TBC1D32: variants seen among roughly 807,000 people sequenced by gnomAD.
TBC1D32 encodes the protein protein broad-minded.
A neutral mutation model predicts 170.3 loss-of-function variants in TBC1D32; 151 were observed. The ratio of observed to expected loss-of-function variants is 0.89; its 90% CI spans 0.78 to 1.01. The LOEUF (loss-of-function observed/expected upper bound fraction) is 1.01. Ranked by LOEUF, TBC1D32 falls within the 50% of genes least tolerant of loss-of-function variation. The pLI is 0.00. For synonymous variants in TBC1D32, 498 were observed against 488.0 expected (o/e 1.02, Z -0.27); for missense variants, 1,464 against 1,457.1 (o/e 1.00, Z -0.08).
chr6:121,161,931 C>T lies in TBC1D32; in HGVS notation c.2571-875G>A, dbSNP rs899345140. ...TTTTCATTTGCATTTCTCTAATGAT[C>T]AGTGATGTTAAACTTTTTTTCATAT... On this transcript the variant is annotated intron_variant, in intron 22 of 31. Transcript: ENST00000398212. 3.3e-5 allele frequency among the ~76,000 whole-genome samples: 5 copies of T among 152,166 alleles called. No individual in the cohort carries two copies. In the East Asian group the frequency reaches 7.7e-4, roughly 23 times the overall value.
intron 29 of TBC1D32, among the ~76,000 whole-genome samples, chr6:121,111,974 T>C (rs534926748): frequency 1.6e-4 from 25 of 152,268 alleles, no homozygotes; most frequent in African/African-American, 5.8e-4. Flanking sequence ...ACATTATAAA[T>C]TGATTGAAGG....
intron 17 of TBC1D32, among the ~76,000 whole-genome samples, chr6:121,245,343 C>A (rs1797460155): frequency 6.6e-6 from 1 of 152,076 alleles, no homozygotes; most frequent in Admixed American, 6.6e-5. Flanking sequence ...GTGGCTAGAC[C>A]CAGAAGAGCA....
intron 20 of TBC1D32, among the ~76,000 whole-genome samples, chr6:121,234,992 C>CATCCAGCA (rs143260805): frequency 0.023 from 3,574 of 152,224 alleles, 158 homozygotes; most frequent in East Asian, 0.12. Flanking sequence ...TGGGTCTAGC[C>CATCCAGCA]ATCCAGCAGA....
At chr6:121,081,638 TAAG>T (rs1005344774) in intron 31 of TBC1D32, among the ~76,000 whole-genome samples, 21 of 151,932 alleles carry the variant, frequency 1.4e-4, no homozygotes, top group East Asian at 1.9e-4. Flanking sequence ...AGAATTACTA[TAAG>T]AAGAAGAAAA....
intron 12 of TBC1D32, among the ~76,000 whole-genome samples, chr6:121,290,851 G>C (rs1053907081): frequency 2.6e-5 from 4 of 152,024 alleles, no homozygotes; most frequent in Non-Finnish European, 5.9e-5. Context: ...TCTTTTGTAG[G>C]GACACAGATG....
At position 121,324,940 on chromosome 6, in the gene TBC1D32, C is replaced by G. The variant is rs528115684; in HGVS notation, c.156-3146G>C. Among the ~76,000 whole-genome samples, 18 of 152,192 alleles carry G rather than the reference C, an allele frequency of 1.2e-4. 1 individual carries two copies. The South Asian group carries it at 3.7e-3, about 32-fold the overall frequency. On this transcript the variant is annotated intron_variant, in intron 1 of 31. Transcript: ENST00000398212. ...AAAAAGCTCTTTGGGCTGGGCACAG[C>G]GGCTCACGCCTGTAATCCCAGTACT...
chr6:121,160,084 C>A lies in TBC1D32; in HGVS notation c.2699G>T (p.Trp900Leu). The A allele has an allele frequency of 6.2e-7, 1 of 1,603,296 alleles. No individual in the cohort carries two copies. The highest frequency in any genetic ancestry group is 8.5e-7 in the Non-Finnish European group (1 of 1,171,978). ...LLEKSDNPYP[W>L]PMFSSYPLPN... Reference sequence around the variant, plus strand: ...CAATGGATATGATGAAAACATTGGCCAAGGATATGGATTATCACTCTAAAA... The same window carrying A: ...CAATGGATATGATGAAAACATTGGCAAAGGATATGGATTATCACTCTAAAA... The change falls in exon 24 of 32, where the codon TGG becomes TTG. Residue 900 changes from tryptophan (W) to leucine (L), a missense_variant. This residue lies in a region of TBC1D32 where 1,363 missense variants were observed against 1,338.1 expected (regional missense o/e 1.02). Coordinates refer to ENST00000398212, the MANE Select transcript of TBC1D32 (RefSeq NM_152730.6).
chr6:121,123,925 G>C (rs193297398), intron 26 of TBC1D32, among the ~76,000 whole-genome samples: 1 of 149,666 alleles, frequency 6.7e-6, no homozygotes, highest in African/African-American at 2.4e-5. Flanking sequence ...TAGTTATTAT[G>C]ATGTTATTTT....
At chr6:121,179,169 GATACATATACACACATAC>G (rs1292728381) in intron 22 of TBC1D32, among the ~76,000 whole-genome samples, 1 of 151,556 alleles carries the variant, frequency 6.6e-6, no homozygotes, top group African/African-American at 2.4e-5. Flanking sequence ...TGGCAGGGGG[GATACATATACACACATAC>G]ATACATATAT....
At chr6:121,288,004 T>G (rs962857084) in intron 12 of TBC1D32, among the ~76,000 whole-genome samples, 1 of 152,100 alleles carries the variant, frequency 6.6e-6, no homozygotes, top group Non-Finnish European at 1.5e-5. Flanking sequence ...TTCAAAACAG[T>G]GTGTAGAGGG....
intron 22 of TBC1D32, among the ~76,000 whole-genome samples, chr6:121,179,410 T>C (rs1163683239): frequency 1.3e-5 from 2 of 149,220 alleles, no homozygotes; most frequent in Non-Finnish European, 3.0e-5. Context: ...CAATAACCAA[T>C]GAAGCATTAC....
chr6:121,246,778 A>G (rs1246011196), intron 17 of TBC1D32, among the ~76,000 whole-genome samples: 1 of 151,614 alleles, frequency 6.6e-6, no homozygotes, highest in Non-Finnish European at 1.5e-5. Context: ...AAGCAGAAGA[A>G]AGAATATGAG....
At chr6:121,202,886 C>G (rs762589046) in intron 22 of TBC1D32, among the ~76,000 whole-genome samples, 9 of 151,434 alleles carry the variant, frequency 5.9e-5, no homozygotes, top group Non-Finnish European at 1.2e-4. Context: ...TTTCACTAAG[C>G]CTCATATTAG....
intron 25 of TBC1D32, among the ~76,000 whole-genome samples, chr6:121,128,312 G>A (rs1431620106): frequency 6.6e-6 from 1 of 152,094 alleles, no homozygotes; most frequent in Non-Finnish European, 1.5e-5. Context: ...TGATCTATAT[G>A]TGGTCATTGA....
chr6:121,312,440 C>G (rs1172710752), intron 3 of TBC1D32, among the ~76,000 whole-genome samples: 5 of 152,108 alleles, frequency 3.3e-5, no homozygotes, highest in Non-Finnish European at 7.4e-5. Context: ...CCAGGCTGGA[C>G]AGCAGTAGTA....
In TBC1D32 at chr6:121,309,381, T is replaced by C. The variant is rs189996091; in HGVS notation, c.565-1280A>G. ...AATTTAAAACTCATTTCCGATATTTTTGAAAGATGTTATTATTTACTATGA... is the reference window on the plus strand; with the variant it reads ...AATTTAAAACTCATTTCCGATATTTCTGAAAGATGTTATTATTTACTATGA... On this transcript the variant is annotated intron_variant, in intron 4 of 31. Transcript: ENST00000398212. Among the ~76,000 whole-genome samples, 3 of 152,300 alleles carry C rather than the reference T, an allele frequency of 2.0e-5. No homozygotes were observed. In the East Asian group the frequency reaches 5.8e-4, roughly 29 times the overall value.
chr6:121,097,028 C>G (rs1376967437), intron 30 of TBC1D32, among the ~76,000 whole-genome samples: 1 of 152,100 alleles, frequency 6.6e-6, no homozygotes, highest in Non-Finnish European at 1.5e-5. Flanking sequence ...CTTCCTTATA[C>G]TTTATACAAA....
At position 121,144,442 on chromosome 6, in the gene TBC1D32, G is replaced by A. The variant is rs150320538; in HGVS notation, c.2774-12690C>T. Among the ~76,000 whole-genome samples the A allele has an allele frequency of 3.5e-3, 540 of 152,180 alleles. 1 individual carries two copies. Among genetic ancestry groups the A allele is most frequent in the South Asian group, 0.02 (96 of 4,824 alleles). The stretch of plus-strand genomic sequence containing the variant: ...GATGAGTGAGAGTGGTTTTATTTTA[G>A]ATATGTAAAGATTTGCTGACAGATT... On this transcript the variant is annotated intron_variant, in intron 24 of 31. Coordinates refer to ENST00000398212, the MANE Select transcript of TBC1D32 (RefSeq NM_152730.6).
At chr6:121,182,661 G>A (rs9401374) in intron 22 of TBC1D32, among the ~76,000 whole-genome samples, 105,743 of 151,956 alleles carry the variant, frequency 0.7, 41,451 homozygotes, top group Non-Finnish European at 0.87. Flanking sequence ...CAAAGTGAAT[G>A]GAAGTATACA....
Sources: gnomAD v4.1 joint callset for allele counts (sites outside exome capture counted in the v4.1 genomes callset) on GRCh38, gnomAD v4.1.1 for gene constraint, gnomAD v4.1.1 regional missense constraint, MANE v1.5 for transcripts, NCBI Gene and HGNC (gene_info 2026-07-23, HGNC 2026-07-21) for gene names.